Variants in GOLM1 observed in about 807,000 individuals in gnomAD.
GOLM1 encodes the protein epididymis luminal protein 46.
GOLM1 carries 31 observed loss-of-function variants against 50.5 expected under a neutral mutation model. The observed-to-expected ratio is 0.61, with a 90% CI of 0.46 to 0.83. The LOEUF (loss-of-function observed/expected upper bound fraction) is 0.83, where lower values mean the gene tolerates loss of function less well. Among genes scored for constraint, GOLM1 ranks in the 40% least tolerant of loss-of-function variants. The pLI, the probability that GOLM1 is intolerant of heterozygous loss-of-function variation, is 0.00. For missense variants in GOLM1, 491 were observed against 501.3 expected, an observed-to-expected ratio of 0.98 and a Z score of 0.20; for synonymous variants, 178 against 192.8, an observed-to-expected ratio of 0.92 and a Z score of 0.64.
Position 86,088,420 on chromosome 9 carries a change from GTATATATATATATATA to G in GOLM1, c.-21-9095_-21-9080del, listed in dbSNP as rs71505775. Among the ~76,000 whole-genome samples the G allele has an allele frequency of 6.8e-3, 586 of 86,304 alleles. 25 individuals carry two copies. The highest frequency in any genetic ancestry group is 0.031 in the African/African-American group (532 of 17,420). The allele number at this position is 86,304 out of a possible 152,430, so 56.6% of individuals were successfully genotyped here. A position where few individuals can be genotyped will look rare whatever the true frequency, so the allele number is the denominator to read the frequency against. On this transcript the variant is annotated intron_variant, in intron 1 of 9. Coordinates refer to ENST00000388712, the MANE Select transcript of GOLM1 (RefSeq NM_016548.4). Reference sequence around the variant, plus strand: ...TGGATTCGTTGTTTTTTTGAAGGGTGTATATATATATATATATATATATATATATATATATATTTAG... The same window carrying G: ...TGGATTCGTTGTTTTTTTGAAGGGTGTATATATATATATATATATATTTAG...
Position 86,045,956 on chromosome 9 carries a change from T to C in GOLM1, c.467+514A>G, listed in dbSNP as rs538592865. On this transcript the variant is annotated intron_variant, in intron 5 of 9. Transcript: ENST00000388712. Reference sequence around the variant, plus strand: ...TATCCTCTGGCTTGCAAACTGGCTTTTACTATCTTCCTGCGGGGCTTAGCT... The same window carrying C: ...TATCCTCTGGCTTGCAAACTGGCTTCTACTATCTTCCTGCGGGGCTTAGCT... Among the ~76,000 whole-genome samples the C allele has an allele frequency of 7.2e-5, 11 of 152,298 alleles. 1 individual carries two copies. Among genetic ancestry groups the C allele is most frequent in the Admixed American group, 7.2e-4 (11 of 15,300 alleles).
chr9:86,028,937 C>T (rs1364315539), intron 9 of GOLM1, among the ~76,000 whole-genome samples: 1 of 151,536 alleles, frequency 6.6e-6, no homozygotes, highest in Non-Finnish European at 1.5e-5. Context: ...CAAGCTCCAC[C>T]TCCGGGGTTC....
chr9:86,086,134 TG>T (rs746454956), intron 1 of GOLM1, among the ~76,000 whole-genome samples: 19 of 152,222 alleles, frequency 1.2e-4, no homozygotes, highest in Non-Finnish European at 2.4e-4. Flanking sequence ...CCAGCATCTG[TG>T]GTTTCCTGAC....
rs114840128 is a variant in GOLM1, at chr9:86,083,778, C to T, written c.-21-4437G>A. On this transcript the variant is annotated intron_variant, in intron 1 of 9. Transcript: ENST00000388712. ...GTTTACGAACTCTTACCTATGTGTA[C>T]AGTCCCTTATTCACAACTTTGAAAT... Among the ~76,000 whole-genome samples the T allele has an allele frequency of 1.6e-3, 248 of 152,326 alleles. 1 individual carries two copies. The highest frequency in any genetic ancestry group is 5.7e-3 in the African/African-American group (238 of 41,562).
At chr9:86,094,264 G>A (rs1835282573) in intron 1 of GOLM1, among the ~76,000 whole-genome samples, 1 of 152,082 alleles carries the variant, frequency 6.6e-6, no homozygotes, top group Admixed American at 6.5e-5. Context: ...CAGAGACAGA[G>A]ACTCACAGAC....
At chr9:86,032,448 T>C (rs2118624663) in intron 9 of GOLM1, among the ~76,000 whole-genome samples, 1 of 152,098 alleles carries the variant, frequency 6.6e-6, no homozygotes, top group Non-Finnish European at 1.5e-5. Flanking sequence ...ATTACAGGTG[T>C]GAGCCACCAC....
chr9:86,031,022 C>T (rs771676215), intron 9 of GOLM1, among the ~76,000 whole-genome samples: 1 of 152,126 alleles, frequency 6.6e-6, no homozygotes, highest in Non-Finnish European at 1.5e-5. Context: ...CCATCCTGGC[C>T]AATATGGTGA....
rs1022285329 is a variant in GOLM1, at chr9:86,027,407, C to T, written c.*410G>A. ...GCTGGCACCAGCACTTGGTACAGCA[C>T]GTGGACAGGACGACGGAACCCAGAG... On this transcript the variant is annotated 3_prime_UTR_variant, in exon 10 of 10. Transcript: ENST00000388712. The T allele has an allele frequency of 1.4e-5, 14 of 1,009,570 alleles. No homozygotes were observed. Among genetic ancestry groups the T allele is most frequent in the African/African-American group, 1.7e-5 (1 of 57,544 alleles). 62.5% of individuals were successfully genotyped at this position (1,009,570 alleles called of 1,614,324 possible). A position where few individuals can be genotyped will look rare whatever the true frequency, so the allele number is the denominator to read the frequency against.
At chr9:86,075,312 G>A (rs151169850) in intron 3 of GOLM1, among the ~76,000 whole-genome samples, 135 of 152,308 alleles carry the variant, frequency 8.9e-4, no homozygotes, top group African/African-American at 3.0e-3. Flanking sequence ...CATTATCACC[G>A]CTGCTGCGGT....
At chr9:86,088,270 G>C (rs1052369017) in intron 1 of GOLM1, among the ~76,000 whole-genome samples, 1 of 151,438 alleles carries the variant, frequency 6.6e-6, no homozygotes, top group Admixed American at 6.6e-5. Flanking sequence ...GTATTTCTGT[G>C]GGATCAGTGG....
chr9:86,041,013 G>A (rs531880909), intron 5 of GOLM1, 145 bp from the exon 6 acceptor site: 8 of 648,126 alleles, frequency 1.2e-5, no homozygotes, highest in African/African-American at 7.2e-5. Context: ...AGGGCAACAC[G>A]GGTGTGTGTT....
chr9:86,028,653 C>T (rs532885555), intron 9 of GOLM1, among the ~76,000 whole-genome samples: 14 of 152,224 alleles, frequency 9.2e-5, no homozygotes, highest in East Asian at 3.9e-4. Context: ...GCTGAAAGAA[C>T]GCACTGCAAC....
chr9:86,091,065 G>A lies in GOLM1; in HGVS notation c.-22+8346C>T, dbSNP rs1008331571. Reference sequence around the variant, plus strand: ...TGAGGCGATGCCCCACCCTGCTTCTGCTCACCCTCTGTGGGCTGCATCCAC... The same window carrying A: ...TGAGGCGATGCCCCACCCTGCTTCTACTCACCCTCTGTGGGCTGCATCCAC... On this transcript the variant is annotated intron_variant, in intron 1 of 9. Transcript: ENST00000388712. Among the ~76,000 whole-genome samples, 4 of 152,236 alleles carry A rather than the reference G, an allele frequency of 2.6e-5. No individual in the cohort carries two copies. The East Asian group carries it at 7.7e-4, about 29-fold the overall frequency.
chr9:86,067,240 A>G lies in GOLM1; in HGVS notation c.309+10172T>C, dbSNP rs142269897. On this transcript the variant is annotated intron_variant, in intron 3 of 9. Coordinates refer to ENST00000388712, the MANE Select transcript of GOLM1 (RefSeq NM_016548.4). ...ATGCCTGGCCCAGACCCAAATTATT[A>G]ATCAGCCTGTGTTAACAACATAAAA... 6.1e-3 allele frequency among the ~76,000 whole-genome samples: 925 copies of G among 152,278 alleles called. 4 individuals carry two copies. The highest frequency in any genetic ancestry group is 0.019 in the African/African-American group (797 of 41,556).
In GOLM1 at chr9:86,027,940, A is replaced by G. The variant is rs147592988; in HGVS notation, c.1130-47T>C. 6.1e-5 allele frequency: 71 copies of G among 1,163,060 alleles called. 1 individual carries two copies. In the African/African-American group the frequency reaches 6.7e-4, roughly 11 times the overall value. 72.0% of individuals were successfully genotyped at this position (1,163,060 alleles called of 1,614,324 possible). On this transcript the variant is annotated intron_variant, in intron 9 of 9. Transcript: ENST00000388712. ...TATTCTATAGAGTATTAAATGAGAT[A>G]CTAGCCCTAGGCAGGTCCCATTTTC...
chr9:86,061,954 G>C (rs1456750933), intron 3 of GOLM1, among the ~76,000 whole-genome samples: 1 of 152,176 alleles, frequency 6.6e-6, no homozygotes, highest in African/African-American at 2.4e-5. Context: ...TGCAGCTATG[G>C]GACAGTGTGC....
At chr9:86,048,353 C>G (rs1833624781) in intron 4 of GOLM1, among the ~76,000 whole-genome samples, 1 of 151,954 alleles carries the variant, frequency 6.6e-6, no homozygotes, top group Admixed American at 6.6e-5. Context: ...TGTGTCTTTA[C>G]AATAGCATGA....
At chr9:86,075,542 T>C (rs536335072) in intron 3 of GOLM1, among the ~76,000 whole-genome samples, 1 of 152,300 alleles carries the variant, frequency 6.6e-6, no homozygotes, top group Admixed American at 6.5e-5. Flanking sequence ...ATCCAGAGAA[T>C]TTAAGTGACT....
chr9:86,054,504 G>A (rs372686309), intron 3 of GOLM1, among the ~76,000 whole-genome samples: 128 of 152,274 alleles, frequency 8.4e-4, no homozygotes, highest in Non-Finnish European at 1.2e-3. Flanking sequence ...GATTACAGGC[G>A]TGAGCCACTG....
Sources: allele counts gnomAD v4.1 joint callset (sites outside exome capture counted in the v4.1 genomes callset), GRCh38; gene constraint gnomAD v4.1.1; transcripts MANE v1.5; gene names NCBI Gene and HGNC (gene_info 2026-07-23, HGNC 2026-07-21).